NR5A2: variants seen among roughly 807,000 people sequenced by gnomAD.
The protein encoded by NR5A2 is nuclear receptor subfamily 5 group A member 2, also known as CYP7A promoter-binding factor.
Under a neutral mutation model 62.7 loss-of-function variants are expected in NR5A2, and 26 were observed. The observed-to-expected ratio is 0.41, with a 90% CI of 0.30 to 0.58. The LOEUF (loss-of-function observed/expected upper bound fraction) is 0.58. Among genes scored for constraint, NR5A2 ranks in the 20% least tolerant of loss-of-function variants. NR5A2 has a pLI of 0.22. For missense variants in NR5A2, 541 were observed against 669.1 expected (o/e 0.81, Z 2.11); for synonymous variants, 246 against 241.7 (o/e 1.02, Z -0.16).
At chr1:200,151,284 G>T (rs1053260834) in intron 7 of NR5A2, among the ~76,000 whole-genome samples, 1 of 152,192 alleles carries the variant, frequency 6.6e-6, no homozygotes, top group Non-Finnish European at 1.5e-5. Context: ...AAAGCCATGG[G>T]TTTCAAGTTA....
At chr1:200,117,578 T>C (rs961037387) in intron 6 of NR5A2, among the ~76,000 whole-genome samples, 1 of 152,224 alleles carries the variant, frequency 6.6e-6, no homozygotes, top group Non-Finnish European at 1.5e-5. Flanking sequence ...TTTGAACTTA[T>C]TATTATACAC....
intron 7 of NR5A2, among the ~76,000 whole-genome samples, chr1:200,161,760 G>C (rs1054818342): frequency 1.3e-5 from 2 of 152,186 alleles, no homozygotes. Context: ...TCTAATAGCT[G>C]GGGGTATTGA....
chr1:200,066,857 C>T (rs1376638257), intron 5 of NR5A2, among the ~76,000 whole-genome samples: 2 of 152,100 alleles, frequency 1.3e-5, no homozygotes, highest in Non-Finnish European at 1.5e-5. Context: ...GGATTACAGG[C>T]GTGAGCCCCC....
chr1:200,103,122 CTTTTTTT>C (rs10655211), intron 5 of NR5A2, among the ~76,000 whole-genome samples: 1 of 106,652 alleles, frequency 9.4e-6, no homozygotes, highest in Non-Finnish European at 1.8e-5. Flanking sequence ...ATGTAAAACT[CTTTTTTT>C]TTTTTTTTTT....
chr1:200,047,809 C>A (rs972170101), intron 4 of NR5A2, among the ~76,000 whole-genome samples: 1 of 152,106 alleles, frequency 6.6e-6, no homozygotes, highest in Non-Finnish European at 1.5e-5. Flanking sequence ...AACTCCTGAC[C>A]TCAGGTGATC....
chr1:200,114,190 A>AC (rs1558147381), intron 6 of NR5A2, among the ~76,000 whole-genome samples: 1 of 69,742 alleles, frequency 1.4e-5, no homozygotes. Flanking sequence ...CTCAAAAAAA[A>AC]TAATAGAAAA....
chr1:200,143,116 T>C (rs932390605), intron 7 of NR5A2, among the ~76,000 whole-genome samples: 7 of 152,178 alleles, frequency 4.6e-5, no homozygotes, highest in African/African-American at 1.7e-4. Context: ...TGGTGGCTGC[T>C]CTTGTTTCCG....
chr1:200,050,833 G>A (rs1037375536), intron 5 of NR5A2, among the ~76,000 whole-genome samples: 6 of 152,126 alleles, frequency 3.9e-5, no homozygotes, highest in Non-Finnish European at 7.3e-5. Flanking sequence ...CGGAGGTTGC[G>A]GTGAGCCGAG....
At chr1:200,040,397 CTGAG>C (rs1171334846) in intron 2 of NR5A2, among the ~76,000 whole-genome samples, 3 of 152,174 alleles carry the variant, frequency 2.0e-5, no homozygotes, top group African/African-American at 7.2e-5. Flanking sequence ...ACGCGTAGTG[CTGAG>C]TGAGTTGGGG....
chr1:200,114,499 G>A (rs555803976), intron 6 of NR5A2, among the ~76,000 whole-genome samples: 5 of 152,010 alleles, frequency 3.3e-5, no homozygotes, highest in Admixed American at 6.6e-5. Flanking sequence ...ACCTGTTTTC[G>A]TGTCTCCATT....
At chr1:200,086,965 G>C (rs1235108597) in intron 5 of NR5A2, among the ~76,000 whole-genome samples, 1 of 152,156 alleles carries the variant, frequency 6.6e-6, no homozygotes, top group African/African-American at 2.4e-5. Context: ...CTTGAACCTG[G>C]GAGGTGGAGG....
At chr1:200,043,668 A>G (rs1275925693) in intron 2 of NR5A2, 106 bp from the exon 3 acceptor site, 2 of 625,168 alleles carry the variant, frequency 3.2e-6, no homozygotes, top group Non-Finnish European at 5.4e-6. Context: ...TTTATATTTT[A>G]CCATGTGATA....
intron 5 of NR5A2, among the ~76,000 whole-genome samples, chr1:200,083,725 G>A (rs569787117): frequency 1.3e-5 from 2 of 152,152 alleles, no homozygotes; most frequent in Admixed American, 1.3e-4. Context: ...CCAACACTTT[G>A]GGAGGCTGAG....
At chr1:200,133,709 C>T (rs1667092226) in intron 7 of NR5A2, among the ~76,000 whole-genome samples, 1 of 150,752 alleles carries the variant, frequency 6.6e-6, no homozygotes, top group African/African-American at 2.4e-5. Context: ...ATTCCTATTG[C>T]CTAGTATTTA....
chr1:200,088,321 G>A (rs531588896), intron 5 of NR5A2, among the ~76,000 whole-genome samples: 40 of 151,950 alleles, frequency 2.6e-4, no homozygotes, highest in African/African-American at 8.4e-4. Flanking sequence ...GCAGTCGCGC[G>A]ATCCTGGCTC....
intron 2 of NR5A2, among the ~76,000 whole-genome samples, chr1:200,041,208 G>C (rs1662060301): frequency 6.6e-6 from 1 of 151,558 alleles, no homozygotes. Flanking sequence ...TCTGGCGCGA[G>C]AAGCCAAAGA....
At chr1:200,136,121 C>G (rs1667209304) in intron 7 of NR5A2, among the ~76,000 whole-genome samples, 1 of 152,172 alleles carries the variant, frequency 6.6e-6, no homozygotes, top group African/African-American at 2.4e-5. Flanking sequence ...TAGGCCTCTT[C>G]CTAGGTTGGT....
At chr1:200,064,378 A>G (rs763427621) in intron 5 of NR5A2, among the ~76,000 whole-genome samples, 4 of 152,208 alleles carry the variant, frequency 2.6e-5, no homozygotes, top group African/African-American at 4.8e-5. Flanking sequence ...GGACAACTTA[A>G]TTCCCATAGA....
At chr1:200,066,492 G>A (rs1051992013) in intron 5 of NR5A2, among the ~76,000 whole-genome samples, 1 of 151,638 alleles carries the variant, frequency 6.6e-6, no homozygotes, top group Non-Finnish European at 1.5e-5. Context: ...GGCACAGCTC[G>A]ACCACTCCAC....
Sources: allele counts gnomAD v4.1 joint callset (sites outside exome capture counted in the v4.1 genomes callset), GRCh38; gene constraint gnomAD v4.1.1; transcripts MANE v1.5; gene names NCBI Gene and HGNC (gene_info 2026-07-23, HGNC 2026-07-21).